PIGK: variants seen among roughly 807,000 people sequenced by gnomAD.
PIGK encodes phosphatidylinositol glycan anchor biosynthesis class K, also known as GPI-anchor transamidase.
Under a neutral mutation model 50.6 loss-of-function variants are expected in PIGK, and 42 were observed. The observed-to-expected ratio is 0.83, with a 90% confidence interval of 0.65 to 1.07. PIGK has a LOEUF of 1.07. Among genes scored for constraint, PIGK ranks in the 50% least tolerant of loss-of-function variants. PIGK has a pLI of 0.00. For missense variants in PIGK, 448 were observed against 488.7 expected (o/e 0.92, Z 0.78); for synonymous variants, 151 against 156.0 (o/e 0.97, Z 0.24).
intron 3 of PIGK, among the ~76,000 whole-genome samples, chr1:77,182,783 G>A (rs1016527267): frequency 6.6e-6 from 1 of 152,110 alleles, no homozygotes; most frequent in South Asian, 2.1e-4. Flanking sequence ...ATAGTCCTTA[G>A]CATAAACTAT....
At chr1:77,120,423 T>C (rs1202580256) in intron 10 of PIGK, among the ~76,000 whole-genome samples, 2 of 152,134 alleles carry the variant, frequency 1.3e-5, no homozygotes, top group East Asian at 3.9e-4. Flanking sequence ...TTTTGTTATG[T>C]TGCCCGGGCT....
chr1:77,208,278 A>T (rs537349141), intron 2 of PIGK, among the ~76,000 whole-genome samples: 1 of 152,236 alleles, frequency 6.6e-6, no homozygotes, highest in South Asian at 2.1e-4. Flanking sequence ...TTAAAGTTTC[A>T]CTATACTAAT....
intron 9 of PIGK, among the ~76,000 whole-genome samples, chr1:77,137,895 C>A (rs566984206): frequency 6.6e-6 from 1 of 152,160 alleles, no homozygotes; most frequent in Admixed American, 6.5e-5. Flanking sequence ...TGAGCCACCA[C>A]GCCTGGCCCC....
chr1:77,156,227 T>C (rs1655005068), intron 8 of PIGK, among the ~76,000 whole-genome samples: 2 of 152,178 alleles, frequency 1.3e-5, no homozygotes, highest in Non-Finnish European at 2.9e-5. Flanking sequence ...AACAACTTGA[T>C]GGGCTTTCTT....
intron 9 of PIGK, among the ~76,000 whole-genome samples, chr1:77,134,513 T>C (rs1022698586): frequency 1.3e-5 from 2 of 152,166 alleles, no homozygotes; most frequent in Non-Finnish European, 2.9e-5. Context: ...TCACCAAAAA[T>C]GTTGCTGGTG....
intron 9 of PIGK, among the ~76,000 whole-genome samples, chr1:77,142,250 A>C (rs1329455486): frequency 6.6e-6 from 1 of 152,202 alleles, no homozygotes; most frequent in Non-Finnish European, 1.5e-5. Flanking sequence ...AAATCAAGCT[A>C]TAGAAACAGA....
intron 9 of PIGK, among the ~76,000 whole-genome samples, chr1:77,132,347 T>C (rs573165672): frequency 2.6e-5 from 4 of 152,080 alleles, no homozygotes; most frequent in African/African-American, 7.2e-5. Flanking sequence ...AATATTTTAT[T>C]ACATCTTTTT....
At chr1:77,113,567 G>A (rs1653900378) in intron 10 of PIGK, among the ~76,000 whole-genome samples, 2 of 152,154 alleles carry the variant, frequency 1.3e-5, no homozygotes, top group South Asian at 4.1e-4. Context: ...ACAGTAGTGG[G>A]AAAGAGATTT....
At chr1:77,191,313 T>C (rs184079684) in intron 3 of PIGK, among the ~76,000 whole-genome samples, 4 of 152,342 alleles carry the variant, frequency 2.6e-5, no homozygotes, top group African/African-American at 9.6e-5. Context: ...CTTAAACTAC[T>C]ATGTGCAATC....
At chr1:77,097,160 C>CA in intron 10 of PIGK, among the ~76,000 whole-genome samples, 1 of 152,040 alleles carries the variant, frequency 6.6e-6, no homozygotes, top group East Asian at 1.9e-4. Context: ...CTAACAATGG[C>CA]ATAAGAACAG....
At chr1:77,184,334 CTCAA>C (rs944148851) in intron 3 of PIGK, among the ~76,000 whole-genome samples, 6 of 152,154 alleles carry the variant, frequency 3.9e-5, no homozygotes, top group Non-Finnish European at 7.3e-5. Flanking sequence ...ATCATGGCCC[CTCAA>C]TCAATTTGCA....
chr1:77,125,162 T>G lies in PIGK; in HGVS notation c.987-2803A>C, dbSNP rs142286343. 1.0e-3 allele frequency among the ~76,000 whole-genome samples: 154 copies of G among 152,368 alleles called. 2 individuals are homozygous for G. The highest frequency in any genetic ancestry group is 3.5e-3 in the African/African-American group (145 of 41,588). On this transcript the variant is annotated intron_variant, in intron 9 of 10. Coordinates refer to ENST00000370812, the MANE Select transcript of PIGK (RefSeq NM_005482.3). ...CTCAATATAAAAGATATTCTTTAGG[T>G]ATACAAAAATATTTGAAATCTGGCA...
chr1:77,156,333 A>C (rs1655007387), intron 8 of PIGK, among the ~76,000 whole-genome samples: 1 of 152,104 alleles, frequency 6.6e-6, no homozygotes, highest in Non-Finnish European at 1.5e-5. Context: ...AAATAAACAT[A>C]CTTCACCTTA....
At chr1:77,199,661 CACCCT>C (rs1450540404) in intron 3 of PIGK, among the ~76,000 whole-genome samples, 7 of 151,118 alleles carry the variant, frequency 4.6e-5, no homozygotes, top group Non-Finnish European at 7.4e-5. Flanking sequence ...AATCAGTGAC[CACCCT>C]AATCAGAGCA....
chr1:77,144,077 C>T (rs1390674509), intron 9 of PIGK, among the ~76,000 whole-genome samples: 1 of 152,004 alleles, frequency 6.6e-6, no homozygotes, highest in East Asian at 1.9e-4. Context: ...GGTTACATAG[C>T]TAGTAAACGG....
chr1:77,163,655 T>C (rs1360187573), intron 6 of PIGK, among the ~76,000 whole-genome samples, 191 bp downstream of exon 6: 1 of 152,116 alleles, frequency 6.6e-6, no homozygotes. Flanking sequence ...CTATTTCATG[T>C]TATAGAATAA....
chr1:77,137,229 G>A (rs1654540230), intron 9 of PIGK, among the ~76,000 whole-genome samples: 1 of 152,184 alleles, frequency 6.6e-6, no homozygotes, highest in African/African-American at 2.4e-5. Flanking sequence ...ATGTGAGATA[G>A]TATAGCCAAA....
intron 1 of PIGK, among the ~76,000 whole-genome samples, chr1:77,217,891 A>AT (rs1656610591): frequency 6.6e-6 from 1 of 152,232 alleles, no homozygotes; most frequent in African/African-American, 2.4e-5. Context: ...AAGCACAGCA[A>AT]TTATGTAACT....
intron 3 of PIGK, among the ~76,000 whole-genome samples, chr1:77,170,344 T>C (rs1655332297): frequency 6.6e-6 from 1 of 152,190 alleles, no homozygotes; most frequent in African/African-American, 2.4e-5. Flanking sequence ...CACTGGCCTT[T>C]CTGTTCTTAG....
Sources: gnomAD v4.1 joint callset for allele counts (sites outside exome capture counted in the v4.1 genomes callset) on GRCh38, gnomAD v4.1.1 for gene constraint, MANE v1.5 for transcripts, NCBI Gene and HGNC (gene_info 2026-07-23, HGNC 2026-07-21) for gene names.